The following TSN variants were observed in gnomAD, a reference collection of about 807,000 sequenced individuals.
The protein encoded by TSN is component 3 of promoter of RISC.
In TSN, 5 loss-of-function variants were observed where a neutral mutation model predicts 29.4. That is an observed-to-expected ratio of 0.17 (90% CI 0.09 to 0.36). The LOEUF (loss-of-function observed/expected upper bound fraction) is 0.36. Ranked by LOEUF, TSN falls within the 10% of genes least tolerant of loss-of-function variation. The probability of loss-of-function intolerance (pLI) is 1.00; values close to 1 mark genes in which losing one functional copy is unlikely to be tolerated. For synonymous variants in TSN, 106 were observed against 102.2 expected, an observed-to-expected ratio of 1.04 and a Z score of -0.23; for missense variants, 159 against 272.8, an observed-to-expected ratio of 0.58 and a Z score of 2.94.
At position 121,757,320 on chromosome 2, in the gene TSN, T is replaced by C. The variant is rs370500124; in HGVS notation, c.147T>C (p.Ala49=). 5.4e-5 allele frequency: 87 copies of C among 1,614,152 alleles called. No individual in the cohort carries two copies. In the African/African-American group the frequency reaches 1.1e-3, roughly 20 times the overall value. ...LTLLQGVHQG[A]GFQDIPKRCL... ...TACTGCAAGGGGTCCATCAGGGTGCTGGGTTTCAGGACAGTAAGTTCTTTG... is the reference window on the plus strand; with the variant it reads ...TACTGCAAGGGGTCCATCAGGGTGCCGGGTTTCAGGACAGTAAGTTCTTTG... The change falls in exon 2 of 6, where the codon GCT becomes GCC. Residue 49 remains alanine, a synonymous_variant. Transcript: ENST00000389682.
At chr2:121,763,902 C>T (rs1166588694) in intron 5 of TSN, among the ~76,000 whole-genome samples, 1 of 152,130 alleles carries the variant, frequency 6.6e-6, no homozygotes, top group Non-Finnish European at 1.5e-5. Context: ...TGTCCTTGCT[C>T]CAGAGGAAAG....
chr2:121,761,356 A>G (rs1045665431), intron 3 of TSN, 53 bp from the exon 4 acceptor site: 4 of 1,340,874 alleles, frequency 3.0e-6, no homozygotes, highest in East Asian at 2.3e-5. Flanking sequence ...TATTAAACCC[A>G]TCTTTCTGAA....
chr2:121,757,466 A>T, intron 2 of TSN, 133 bp downstream of exon 2: 1 of 1,529,732 alleles, frequency 6.5e-7, no homozygotes, highest in Non-Finnish European at 8.8e-7. Flanking sequence ...AGGTGATTTG[A>T]TAATTTTGGT....
At chr2:121,756,043 C>T in intron 1 of TSN, 198 bp downstream of exon 1, 2 of 1,113,150 alleles carry the variant, frequency 1.8e-6, no homozygotes, top group Non-Finnish European at 2.5e-6. Context: ...GTGTTCGAGT[C>T]TCAGCTTCTC....
rs1257143122 is a variant in TSN, at chr2:121,762,647, A to G, written c.374-358A>G. Among the ~76,000 whole-genome samples the G allele has an allele frequency of 2.6e-5, 4 of 152,144 alleles. No individual in the cohort carries two copies. The East Asian group carries it at 5.8e-4, about 22-fold the overall frequency. Reference sequence around the variant, plus strand: ...ATTTACCACTTGTTAACATTTTGCTACATCTGCTTAATCTTCTCATTTTGT... The same window carrying G: ...ATTTACCACTTGTTAACATTTTGCTGCATCTGCTTAATCTTCTCATTTTGT... On this transcript the variant is annotated intron_variant, in intron 4 of 5. Coordinates refer to ENST00000389682, the MANE Select transcript of TSN (RefSeq NM_004622.3).
chr2:121,756,431 T>G, intron 1 of TSN: 1 of 256,432 alleles, frequency 3.9e-6, no homozygotes, highest in East Asian at 1.5e-4. Context: ...CTAAGCGATC[T>G]ATTTCCTGTT....
intron 4 of TSN, among the ~76,000 whole-genome samples, chr2:121,762,137 C>T (rs2074839858): frequency 6.6e-6 from 1 of 152,130 alleles, no homozygotes; most frequent in African/African-American, 2.4e-5. Context: ...GAATTACAGG[C>T]ATGCACCACC....
chr2:121,756,449 C>T (rs1047792742), intron 1 of TSN: 6 of 252,256 alleles, frequency 2.4e-5, no homozygotes, highest in Non-Finnish European at 5.2e-5. Context: ...GTTATGTTTT[C>T]TAGTAGCACA....
chr2:121,758,593 A>T, intron 2 of TSN, 117 bp from the exon 3 acceptor site: 1 of 628,344 alleles, frequency 1.6e-6, no homozygotes, highest in Non-Finnish European at 2.5e-6. Context: ...ACAGATGTGT[A>T]CGTTAGTTGT....
chr2:121,765,385 T>G lies in TSN; in HGVS notation c.*18T>G. On this transcript the variant is annotated 3_prime_UTR_variant, in exon 6 of 6. Transcript: ENST00000389682. ...AAAAATAGGAGGCTCTCCTTGCTCCTGGCCTTGCTGACCTCAGCGGTTGCC... is the reference window on the plus strand; with the variant it reads ...AAAAATAGGAGGCTCTCCTTGCTCCGGGCCTTGCTGACCTCAGCGGTTGCC... The G allele has an allele frequency of 6.2e-7, 1 of 1,612,566 alleles. No individual in the cohort carries two copies. Among genetic ancestry groups the G allele is most frequent in the South Asian group, 1.1e-5 (1 of 91,064 alleles).
chr2:121,759,827 G>C (rs890785477), intron 3 of TSN, among the ~76,000 whole-genome samples: 2 of 152,178 alleles, frequency 1.3e-5, no homozygotes, highest in South Asian at 4.1e-4. Flanking sequence ...TTAAGGGAGA[G>C]GTTGACAAAC....
rs1253185040 is a variant in TSN at position 121,767,618 on chromosome 2, A to C, written c.*2251A>C. 1 of 152,112 alleles carries C rather than the reference A, an allele frequency of 6.6e-6. No individual in the cohort carries two copies. Among genetic ancestry groups the C allele is most frequent in the African/African-American group, 2.4e-5 (1 of 41,426 alleles). The allele number at this position is 152,112 out of a possible 1,614,324, so 9.4% of individuals were successfully genotyped here. A position where few individuals can be genotyped will look rare whatever the true frequency, so the allele number is the denominator to read the frequency against. On this transcript the variant is annotated 3_prime_UTR_variant, in exon 6 of 6. Coordinates refer to ENST00000389682, the MANE Select transcript of TSN (RefSeq NM_004622.3). ...TGAATTAGGGGACACTGTCTTATGGATTCATTTATAAGAAGAGAACCAGCC... is the reference window on the plus strand; with the variant it reads ...TGAATTAGGGGACACTGTCTTATGGCTTCATTTATAAGAAGAGAACCAGCC...
chr2:121,757,354 C>T (rs761466414), intron 2 of TSN, 21 bp downstream of exon 2: 8 of 1,613,560 alleles, frequency 5.0e-6, no homozygotes, highest in Non-Finnish European at 6.8e-6. Context: ...TGTTTTGTAT[C>T]CAATTATCAG....
chr2:121,758,104 A>G (rs2074774743), intron 2 of TSN, among the ~76,000 whole-genome samples: 1 of 152,144 alleles, frequency 6.6e-6, no homozygotes, highest in Admixed American at 6.5e-5. Flanking sequence ...ACCTTTTAAT[A>G]TGAGATTAAC....
At chr2:121,756,118 G>T (rs1168479475) in intron 1 of TSN, 3 of 567,984 alleles carry the variant, frequency 5.3e-6, no homozygotes, top group Admixed American at 3.2e-5. Context: ...TCGAAGGCTC[G>T]ATTAGCACCT....
rs1042678489 is a variant in TSN at position 121,763,139 on chromosome 2, T to G, written c.453+55T>G. ...TTGATCTTTCTGCTTCACTGTCAGT[T>G]TTTTTTTTTTTTTTTTTTTTTGAGA... On this transcript the variant is annotated intron_variant, in intron 5 of 5. Transcript: ENST00000389682. The G allele has an allele frequency of 7.5e-5, 49 of 650,880 alleles. No individual in the cohort carries two copies. In the East Asian group the frequency reaches 1.5e-3, roughly 20 times the overall value. The allele number at this position is 650,880 out of a possible 1,614,324, so 40.3% of individuals were successfully genotyped here.
In TSN at chr2:121,759,623, T is replaced by G. The variant is rs1476817715; in HGVS notation, c.257+817T>G. Reference sequence around the variant, plus strand: ...ACTCCATCTAAAAAAAAAAAACAACTTGTGAAACATGGATTGTGAAATGTC... The same window carrying G: ...ACTCCATCTAAAAAAAAAAAACAACGTGTGAAACATGGATTGTGAAATGTC... On this transcript the variant is annotated intron_variant, in intron 3 of 5. Transcript: ENST00000389682. 3.3e-5 allele frequency among the ~76,000 whole-genome samples: 5 copies of G among 151,834 alleles called. 1 individual carries two copies. The highest frequency in any genetic ancestry group is 4.8e-5 in the African/African-American group (2 of 41,352).
intron 1 of TSN, among the ~76,000 whole-genome samples, chr2:121,756,926 GA>G (rs2074758457): frequency 6.8e-6 from 1 of 147,422 alleles, no homozygotes; most frequent in Non-Finnish European, 1.5e-5. Flanking sequence ...AAAAAAAAAA[GA>G]AAAAAGAATT....
At chr2:121,755,968 C>T (rs1346621727) in intron 1 of TSN, 123 bp downstream of exon 1, 18 of 1,530,314 alleles carry the variant, frequency 1.2e-5, no homozygotes, top group Non-Finnish European at 1.4e-5. Flanking sequence ...GTTGCTTCCC[C>T]TCTAGCTTTA....
Sources: allele counts gnomAD v4.1 joint callset (sites outside exome capture counted in the v4.1 genomes callset), GRCh38; gene constraint gnomAD v4.1.1; transcripts MANE v1.5; gene names NCBI Gene and HGNC (gene_info 2026-07-23, HGNC 2026-07-21).